Variants in RGL1 observed in about 807,000 individuals in gnomAD.
RGL1 encodes the protein ral guanine nucleotide dissociation stimulator like 1.
A neutral mutation model predicts 95.2 loss-of-function variants in RGL1; 24 were observed. The ratio of observed to expected loss-of-function variants is 0.25; its 90% CI spans 0.18 to 0.35. The LOEUF (loss-of-function observed/expected upper bound fraction) is 0.35. RGL1 is among the 10% of genes least tolerant of loss of function. RGL1 has a pLI of 1.00. For synonymous variants in RGL1, 329 were observed against 344.9 expected, an observed-to-expected ratio of 0.95 and a Z score of 0.51; for missense variants, 715 against 936.3, an observed-to-expected ratio of 0.76 and a Z score of 3.08.
At chr1:183,693,523 C>T (rs1435607813) in intron 1 of RGL1, among the ~76,000 whole-genome samples, 1 of 151,284 alleles carries the variant, frequency 6.6e-6, no homozygotes, top group Non-Finnish European at 1.5e-5. Context: ...CCCCTCCTTA[C>T]TCTCTTTCTT....
intron 3 of RGL1, among the ~76,000 whole-genome samples, chr1:183,863,566 G>A (rs1665649249): frequency 6.6e-6 from 1 of 152,112 alleles, no homozygotes; most frequent in Non-Finnish European, 1.5e-5. Flanking sequence ...CCATTTAGGT[G>A]GCTGTTGTAT....
Position 183,872,353 on chromosome 1 carries a change from C to T in RGL1, c.425+6280C>T, listed in dbSNP as rs79971061. 3.5e-3 allele frequency among the ~76,000 whole-genome samples: 531 copies of T among 152,282 alleles called. 1 individual carries two copies. The highest frequency in any genetic ancestry group is 0.012 in the African/African-American group (508 of 41,560). On this transcript the variant is annotated intron_variant, in intron 4 of 17. Transcript: ENST00000360851. ...TAACTTTATTTAAAGAGATTTAAAA[C>T]TCCTCAAGAAATGATGCTTTATTTC...
intron 2 of RGL1, among the ~76,000 whole-genome samples, chr1:183,830,653 A>G (rs1663197515): frequency 6.7e-6 from 1 of 148,344 alleles, no homozygotes; most frequent in South Asian, 2.2e-4. Context: ...TTGATTCAGC[A>G]TCTCAATCTT....
At chr1:183,869,239 G>T (rs1434421990) in intron 4 of RGL1, among the ~76,000 whole-genome samples, 1 of 152,222 alleles carries the variant, frequency 6.6e-6, no homozygotes, top group South Asian at 2.1e-4. Flanking sequence ...GGTATGAAGA[G>T]TCATGTTCAT....
intron 3 of RGL1, among the ~76,000 whole-genome samples, chr1:183,849,768 G>C (rs1254769838): frequency 6.6e-6 from 1 of 152,054 alleles, no homozygotes; most frequent in African/African-American, 2.4e-5. Flanking sequence ...GATTAGACTT[G>C]AGAGCCGCTG....
At chr1:183,647,857 T>G in intron 1 of RGL1, 1 of 1,614,174 alleles carries the variant, frequency 6.2e-7, no homozygotes, top group Middle Eastern at 1.6e-4. Context: ...TTATTTGGGT[T>G]TTGGCCCATA....
chr1:183,849,445 A>G, intron 3 of RGL1, among the ~76,000 whole-genome samples: 1 of 144,884 alleles, frequency 6.9e-6, no homozygotes, highest in South Asian at 2.3e-4. Flanking sequence ...TGAATGGGTT[A>G]TTATATGGAT....
chr1:183,891,858 A>G (rs920141775), intron 8 of RGL1, among the ~76,000 whole-genome samples: 1 of 150,688 alleles, frequency 6.6e-6, no homozygotes, highest in African/African-American at 2.4e-5. Context: ...CTAGGGAAAT[A>G]TACCTCTCTC....
At chr1:183,806,729 G>C (rs1007005565) in intron 2 of RGL1, among the ~76,000 whole-genome samples, 1 of 152,122 alleles carries the variant, frequency 6.6e-6, no homozygotes, top group African/African-American at 2.4e-5. Flanking sequence ...TGAGGTCTTT[G>C]GCAAATAGAT....
chr1:183,777,332 A>C (rs566552149), intron 2 of RGL1, among the ~76,000 whole-genome samples: 1 of 152,334 alleles, frequency 6.6e-6, no homozygotes, highest in Non-Finnish European at 1.5e-5. Flanking sequence ...AAAACTAATA[A>C]ATAATTTTAC....
At chr1:183,910,793 A>G (rs897315395) in intron 14 of RGL1, among the ~76,000 whole-genome samples, 14 of 152,088 alleles carry the variant, frequency 9.2e-5, no homozygotes, top group African/African-American at 3.4e-4. Flanking sequence ...TGTTTTTCAA[A>G]TTATCTTCTT....
intron 17 of RGL1, among the ~76,000 whole-genome samples, 191 bp downstream of exon 17, chr1:183,922,527 C>T (rs1669371600): frequency 6.6e-6 from 1 of 152,218 alleles, no homozygotes; most frequent in Non-Finnish European, 1.5e-5. Flanking sequence ...TCTCAAACCG[C>T]TCTCCGATTC....
At chr1:183,801,857 C>T (rs371189405), upstream of RGL1, among the ~76,000 whole-genome samples, 1 of 152,232 alleles carries the variant, frequency 6.6e-6, no homozygotes, top group Non-Finnish European at 1.5e-5. Context: ...ACAATCAGCT[C>T]TCACTGGAAC....
chr1:183,717,425 T>C (rs1655689949), intron 1 of RGL1, among the ~76,000 whole-genome samples: 1 of 152,222 alleles, frequency 6.6e-6, no homozygotes, highest in South Asian at 2.1e-4. Flanking sequence ...GTTTTGCTTT[T>C]TATGTTTAGT....
In RGL1 at chr1:183,752,893, T is replaced by C. The variant is rs148505588; in HGVS notation, c.132+10604T>C. Among the ~76,000 whole-genome samples, 9 of 152,146 alleles carry C rather than the reference T, an allele frequency of 5.9e-5. No homozygotes were observed. The South Asian group carries it at 1.0e-3, about 17-fold the overall frequency. ...TTGTATTATTTTGAATGTAACATCT[T>C]TTCTCTATAACTGTTTAGATCATCT... On this transcript the variant is annotated intron_variant, in intron 2 of 18. Transcript: ENST00000304685.
intron 2 of RGL1, among the ~76,000 whole-genome samples, chr1:183,832,386 G>A (rs944636078): frequency 1.3e-5 from 2 of 152,178 alleles, no homozygotes; most frequent in Non-Finnish European, 2.9e-5. Flanking sequence ...AGGTGAATGT[G>A]GTAATTGGAA....
chr1:183,819,951 A>G (rs554683753), intron 2 of RGL1, among the ~76,000 whole-genome samples: 1 of 151,926 alleles, frequency 6.6e-6, no homozygotes, highest in South Asian at 2.1e-4. Flanking sequence ...TGCCTGGCTA[A>G]TTTTTAAATT....
At chr1:183,646,676 A>G (rs1258837635) in intron 1 of RGL1, 1 of 152,248 alleles carries the variant, frequency 6.6e-6, no homozygotes, top group African/African-American at 2.4e-5. Context: ...TAAAACACAC[A>G]TTATGCATTG....
At chr1:183,884,686 T>C (rs1182743033) in intron 6 of RGL1, 37 bp from the exon 7 acceptor site, 1 of 1,563,794 alleles carries the variant, frequency 6.4e-7, no homozygotes, top group Non-Finnish European at 8.8e-7. Context: ...ATGAAATGTC[T>C]GTGTTGTCCT....
Sources: gnomAD v4.1 joint callset for allele counts (sites outside exome capture counted in the v4.1 genomes callset) on GRCh38, gnomAD v4.1.1 for gene constraint, MANE v1.5 for transcripts, NCBI Gene and HGNC (gene_info 2026-07-23, HGNC 2026-07-21) for gene names.